Variants in LZTFL1 observed in about 807,000 individuals in gnomAD.
LZTFL1 encodes the protein leucine zipper transcription factor-like protein 1.
LZTFL1 carries 25 observed loss-of-function variants against 45.9 expected under a neutral mutation model. The observed-to-expected ratio is 0.54, with a 90% CI of 0.40 to 0.76. The LOEUF (loss-of-function observed/expected upper bound fraction) is 0.76, where lower values mean the gene tolerates loss of function less well. Among genes scored for constraint, LZTFL1 ranks in the 30% least tolerant of loss-of-function variants. The pLI is 0.00. For synonymous variants in LZTFL1, 93 were observed against 117.4 expected, an observed-to-expected ratio of 0.79 and a Z score of 1.35; for missense variants, 277 against 331.1, an observed-to-expected ratio of 0.84 and a Z score of 1.27.
intron 2 of LZTFL1, among the ~76,000 whole-genome samples, chr3:45,874,570 C>T (rs1314220931): frequency 6.6e-6 from 1 of 152,158 alleles, no homozygotes; most frequent in African/African-American, 2.4e-5. Flanking sequence ...CTATTCCCTT[C>T]CCTTCCCACC....
chr3:45,866,865 C>A (rs1033913131), intron 2 of LZTFL1, among the ~76,000 whole-genome samples: 2 of 152,036 alleles, frequency 1.3e-5, no homozygotes. Flanking sequence ...AAGATAGTTG[C>A]GGCCAGGTGA....
At chr3:45,836,886 T>C (rs1278801717) in intron 2 of LZTFL1, among the ~76,000 whole-genome samples, 2 of 152,162 alleles carry the variant, frequency 1.3e-5, no homozygotes, top group African/African-American at 4.8e-5. Flanking sequence ...TGAAAAAGCT[T>C]CTGTGTGTGC....
intron 2 of LZTFL1, among the ~76,000 whole-genome samples, chr3:45,861,327 A>G (rs1701487474): frequency 6.6e-6 from 1 of 152,186 alleles, no homozygotes; most frequent in Non-Finnish European, 1.5e-5. Flanking sequence ...TAAAATCGAG[A>G]ACAGTGATTA....
chr3:45,906,017 G>A (rs781483810), intron 2 of LZTFL1, among the ~76,000 whole-genome samples: 3 of 152,088 alleles, frequency 2.0e-5, no homozygotes, highest in African/African-American at 4.8e-5. Flanking sequence ...CCCTCCAAAG[G>A]CATTGATTCC....
chr3:45,900,074 G>T lies in LZTFL1; in HGVS notation c.-215+13046C>A, dbSNP rs1486821867. Among the ~76,000 whole-genome samples, 2 of 152,234 alleles carry T rather than the reference G, an allele frequency of 1.3e-5. No individual in the cohort carries two copies. The highest frequency in any genetic ancestry group is 2.9e-5 in the Non-Finnish European group (2 of 68,036). On this transcript the variant is annotated intron_variant, in intron 2 of 4. Coordinates refer to the LZTFL1 transcript ENST00000472635. The surrounding 1 kb of genome is among the most constrained non-coding windows in gnomAD (Gnocchi z 4.7). ...CATGTACATATGAGTGTGTGTGCTT[G>T]TTGGGGCCAGCTTCATGGCTGTGCA...
chr3:45,852,608 T>C (rs747885793), intron 4 of LZTFL1, among the ~76,000 whole-genome samples: 6 of 152,128 alleles, frequency 3.9e-5, no homozygotes, highest in Admixed American at 2.6e-4. Flanking sequence ...CACACATACA[T>C]GCAAATTTGG....
chr3:45,886,094 C>T (rs927774762), intron 2 of LZTFL1, among the ~76,000 whole-genome samples: 1 of 152,180 alleles, frequency 6.6e-6, no homozygotes, highest in African/African-American at 2.4e-5. Context: ...TAGCACAGCC[C>T]TCCGGGTTCT....
At chr3:45,914,488 G>A (rs1052681305) in intron 1 of LZTFL1, among the ~76,000 whole-genome samples, 2 of 152,116 alleles carry the variant, frequency 1.3e-5, no homozygotes, top group South Asian at 4.2e-4. Flanking sequence ...TATGCAGGTT[G>A]GCCTTGAACT....
intron 2 of LZTFL1, among the ~76,000 whole-genome samples, chr3:45,907,477 C>A (rs986953792): frequency 4.6e-5 from 7 of 152,218 alleles, no homozygotes; most frequent in Admixed American, 2.6e-4. Flanking sequence ...TGCAGACTCT[C>A]CACTTTCTAG....
At chr3:45,908,314 AG>A (rs1559430460) in intron 2 of LZTFL1, among the ~76,000 whole-genome samples, 1 of 152,204 alleles carries the variant, frequency 6.6e-6, no homozygotes, top group African/African-American at 2.4e-5. Context: ...CGTGCTGGAG[AG>A]GCCACAAGTA....
At chr3:45,861,967 C>A (rs1701498636) in intron 2 of LZTFL1, among the ~76,000 whole-genome samples, 1 of 152,112 alleles carries the variant, frequency 6.6e-6, no homozygotes, top group South Asian at 2.1e-4. Flanking sequence ...GTATTTTATT[C>A]CCCACCTGGT....
At chr3:45,883,556 C>A in intron 2 of LZTFL1, 1 of 265,230 alleles carries the variant, frequency 3.8e-6, no homozygotes. Context: ...TTATTTCTTC[C>A]TTATTGTGAG....
intron 2 of LZTFL1, among the ~76,000 whole-genome samples, chr3:45,908,092 C>T (rs1166774078): frequency 6.6e-6 from 1 of 152,090 alleles, no homozygotes; most frequent in Non-Finnish European, 1.5e-5. Context: ...GATGCTCCTC[C>T]CATCAAAACA....
chr3:45,852,201 G>T (rs1701320173), intron 4 of LZTFL1, among the ~76,000 whole-genome samples: 1 of 152,198 alleles, frequency 6.6e-6, no homozygotes, highest in Non-Finnish European at 1.5e-5. Flanking sequence ...GAGGAAAAAG[G>T]CACTCTTAAA....
chr3:45,877,478 C>T (rs368891231), intron 2 of LZTFL1, among the ~76,000 whole-genome samples: 2 of 152,082 alleles, frequency 1.3e-5, no homozygotes, highest in Non-Finnish European at 2.9e-5. Flanking sequence ...AGGTGATCCG[C>T]CTGCCTCGGC....
chr3:45,857,824 T>C (rs1020474313), intron 3 of LZTFL1, among the ~76,000 whole-genome samples: 2 of 152,160 alleles, frequency 1.3e-5, no homozygotes, highest in African/African-American at 4.8e-5. Context: ...CTCCTTATTA[T>C]CAGCATCCCC....
At chr3:45,859,751 C>T (rs905793731) in intron 2 of LZTFL1, among the ~76,000 whole-genome samples, 1 of 151,524 alleles carries the variant, frequency 6.6e-6, no homozygotes. Context: ...ATTCTCATGC[C>T]TCAGCCTCCC....
chr3:45,835,569 T>A (rs755583791), intron 3 of LZTFL1, 21 bp downstream of exon 3: 1 of 1,607,296 alleles, frequency 6.2e-7, no homozygotes, highest in Admixed American at 1.7e-5. Context: ...TTGTCACAGT[T>A]GCAAGTTCAA....
chr3:45,840,507 T>C (rs918455772), intron 1 of LZTFL1, among the ~76,000 whole-genome samples: 1 of 152,214 alleles, frequency 6.6e-6, no homozygotes, highest in Non-Finnish European at 1.5e-5. Context: ...TTTTACTATC[T>C]GCTAAATGAG....
Sources: allele counts gnomAD v4.1 joint callset (sites outside exome capture counted in the v4.1 genomes callset), GRCh38; gene constraint gnomAD v4.1.1; non-coding constraint Gnocchi (gnomAD v3.1); transcripts MANE v1.5; gene names NCBI Gene and HGNC (gene_info 2026-07-23, HGNC 2026-07-21).